Variants in BFSP1 observed in about 807,000 individuals in gnomAD.
BFSP1 encodes the protein filensin.
A neutral mutation model predicts 43.9 loss-of-function variants in BFSP1; 38 were observed. The ratio of observed to expected loss-of-function variants is 0.87; its 90% CI spans 0.67 to 1.14. The LOEUF is 1.14. Among genes scored for constraint, BFSP1 ranks in the 50% most tolerant of loss-of-function variants. The pLI is 0.00. For missense variants in BFSP1, 850 were observed against 875.1 expected (o/e 0.97, Z 0.36); for synonymous variants, 352 against 354.8 (o/e 0.99, Z 0.09).
intron 1 of BFSP1, among the ~76,000 whole-genome samples, chr20:17,547,566 C>T (rs1008706358): frequency 2.0e-5 from 3 of 152,032 alleles, no homozygotes; most frequent in African/African-American, 4.8e-5. Flanking sequence ...TCAAATAGCA[C>T]CCAATGATAA....
At chr20:17,540,527 G>A (rs184214051) in intron 1 of BFSP1, among the ~76,000 whole-genome samples, 1 of 152,206 alleles carries the variant, frequency 6.6e-6, no homozygotes, top group East Asian at 1.9e-4. Flanking sequence ...TGTTTACCTG[G>A]CAGACCTGCT....
At chr20:17,514,197 G>A (rs1175909330) in intron 3 of BFSP1, among the ~76,000 whole-genome samples, 1 of 152,204 alleles carries the variant, frequency 6.6e-6, no homozygotes, top group African/African-American at 2.4e-5. Flanking sequence ...AAGCAGCTCA[G>A]AGAGGTTAGG....
At chr20:17,505,202 G>A (rs959793602) in intron 5 of BFSP1, among the ~76,000 whole-genome samples, 9 of 152,292 alleles carry the variant, frequency 5.9e-5, no homozygotes, top group Middle Eastern at 6.8e-3. Context: ...TTATTTGAAG[G>A]AGAGGCTTCC....
rs1258478504 is a variant in BFSP1, at chr20:17,507,272, G to GGGGTGT, written c.735+1616_735+1617insACACCC. Among the ~76,000 whole-genome samples, 3 of 141,226 alleles carry GGGGTGT rather than the reference G, an allele frequency of 2.1e-5. No homozygotes were observed. Among genetic ancestry groups the GGGGTGT allele is most frequent in the African/African-American group, 7.9e-5 (3 of 37,768 alleles). 92.6% of individuals were successfully genotyped at this position (141,226 alleles called of 152,430 possible). A position where few individuals can be genotyped will look rare whatever the true frequency, so the allele number is the denominator to read the frequency against. ...GCGAGCCATACACATCAGATAGGTAGGTGTGTGTGTGTGTGTGTGTGTGTG... is the reference window on the plus strand; with the variant it reads ...GCGAGCCATACACATCAGATAGGTAGGGGTGTGTGTGTGTGTGTGTGTGTGTGTGTG... On this transcript the variant is annotated intron_variant, in intron 5 of 7. Coordinates refer to ENST00000377873, the MANE Select transcript of BFSP1 (RefSeq NM_001195.5). The surrounding 1 kb of genome is among the most constrained non-coding windows in gnomAD (Gnocchi z 4.4).
At chr20:17,511,652 A>G (rs1224356869) in intron 4 of BFSP1, among the ~76,000 whole-genome samples, 1 of 152,246 alleles carries the variant, frequency 6.6e-6, no homozygotes, top group African/African-American at 2.4e-5. Flanking sequence ...TTGTGGGTGG[A>G]GATGCAACAA....
intron 6 of BFSP1, among the ~76,000 whole-genome samples, chr20:17,497,227 G>A (rs538155832): frequency 3.1e-4 from 47 of 152,212 alleles, no homozygotes; most frequent in Non-Finnish European, 4.9e-4. Context: ...GAGCTCAAGA[G>A]TCATAAACTG....
chr20:17,541,834 G>T (rs1334418669), intron 1 of BFSP1, among the ~76,000 whole-genome samples: 1 of 152,166 alleles, frequency 6.6e-6, no homozygotes, highest in Non-Finnish European at 1.5e-5. Context: ...AGCTGTGAGT[G>T]GTCCTTGTCT....
chr20:17,526,328 T>C (rs2034423525), intron 1 of BFSP1, among the ~76,000 whole-genome samples: 1 of 152,092 alleles, frequency 6.6e-6, no homozygotes, highest in African/African-American at 2.4e-5. Flanking sequence ...TAACTCCCCA[T>C]TCTCCCCATC....
At chr20:17,519,121 ATCAC>A (rs2034265643) in intron 2 of BFSP1, among the ~76,000 whole-genome samples, 1 of 152,130 alleles carries the variant, frequency 6.6e-6, no homozygotes, top group South Asian at 2.1e-4. Flanking sequence ...AGAATTCTCA[ATCAC>A]TCTTAACAAA....
At chr20:17,508,427 A>C (rs1167393738) in intron 5 of BFSP1, among the ~76,000 whole-genome samples, 1 of 152,262 alleles carries the variant, frequency 6.6e-6, no homozygotes, top group Non-Finnish European at 1.5e-5. Context: ...GCCGGGTTGT[A>C]ATCAAATTCC....
chr20:17,563,059 C>G (rs1020905462), upstream of BFSP1: 8 of 152,248 alleles, frequency 5.3e-5, no homozygotes, highest in African/African-American at 1.9e-4. Context: ...CTGTACTCCT[C>G]TGGGCTCCCA....
intron 1 of BFSP1, among the ~76,000 whole-genome samples, chr20:17,542,385 T>C (rs1017949860): frequency 6.8e-6 from 1 of 148,144 alleles, no homozygotes; most frequent in African/African-American, 2.5e-5. Context: ...AGCCCAGGAA[T>C]TCAAGACCAG....
At position 17,505,126 on chromosome 20, in the gene BFSP1, T is replaced by C. The variant is rs191046855; in HGVS notation, c.735+3763A>G. Among the ~76,000 whole-genome samples, 820 of 152,306 alleles carry C rather than the reference T, an allele frequency of 5.4e-3. 7 individuals carry two copies. Among genetic ancestry groups the C allele is most frequent in the African/African-American group, 0.019 (787 of 41,550 alleles). Reference sequence around the variant, plus strand: ...TCCATGCAATTTAGGGAACTAGAATTACCTGTCCTTTCCTCTCCACCTGTC... The same window carrying C: ...TCCATGCAATTTAGGGAACTAGAATCACCTGTCCTTTCCTCTCCACCTGTC... On this transcript the variant is annotated intron_variant, in intron 5 of 7. Coordinates refer to ENST00000377873, the MANE Select transcript of BFSP1 (RefSeq NM_001195.5).
At chr20:17,509,325 C>A (rs1484805566) in intron 4 of BFSP1, among the ~76,000 whole-genome samples, 2 of 151,348 alleles carry the variant, frequency 1.3e-5, no homozygotes, top group African/African-American at 2.4e-5. Flanking sequence ...AGAGCCCTCA[C>A]CAGACACCAA....
intron 1 of BFSP1, 92 bp downstream of exon 1, chr20:17,530,861 T>A (rs1044158374): frequency 1.6e-6 from 2 of 1,268,416 alleles, no homozygotes; most frequent in Non-Finnish European, 2.0e-6. Flanking sequence ...GAGACGGCGC[T>A]CCACCCCTGC....
At chr20:17,504,938 T>C (rs372622857) in intron 5 of BFSP1, among the ~76,000 whole-genome samples, 54 of 133,432 alleles carry the variant, frequency 4.0e-4, no homozygotes, top group African/African-American at 1.6e-3. Context: ...GTTTTTGTTT[T>C]GTCTTAAAAA....
Position 17,494,371 on chromosome 20 carries a change from T to C in BFSP1, c.1701A>G (p.Glu567=). ...CCATGGCACAGGGTCTCCTGGACTC[T>C]TCGTCCCGCTCCTCACCCTCACGTT... The part of the protein sequence containing the change: ...EEKREGEERD[E]ESRRPCAMVT... The change falls in exon 8 of 8, where the codon GAA becomes GAG. Residue 567 remains glutamate, a synonymous_variant. Coordinates refer to ENST00000377873, the MANE Select transcript of BFSP1 (RefSeq NM_001195.5). The C allele has an allele frequency of 1.2e-6, 2 of 1,614,100 alleles. No homozygotes were observed. Among genetic ancestry groups the C allele is most frequent in the Non-Finnish European group, 8.5e-7 (1 of 1,180,046 alleles).
chr20:17,502,639 T>C (rs2033831465), intron 5 of BFSP1, among the ~76,000 whole-genome samples: 1 of 152,212 alleles, frequency 6.6e-6, no homozygotes, highest in Non-Finnish European at 1.5e-5. Flanking sequence ...GAGGGGTATA[T>C]ATTGGAAGCT....
chr20:17,555,795 C>T (rs2034981562), intron 1 of BFSP1, among the ~76,000 whole-genome samples: 1 of 152,070 alleles, frequency 6.6e-6, no homozygotes, highest in African/African-American at 2.4e-5. Context: ...AATCAAATAC[C>T]ATCAAGATTT....
Sources: gnomAD v4.1 joint callset for allele counts (sites outside exome capture counted in the v4.1 genomes callset) on GRCh38, gnomAD v4.1.1 for gene constraint, Gnocchi (gnomAD v3.1) non-coding constraint, MANE v1.5 for transcripts, NCBI Gene and HGNC (gene_info 2026-07-23, HGNC 2026-07-21) for gene names.